The following DNAJC1 variants were observed in gnomAD, a reference collection of about 807,000 sequenced individuals.
The protein encoded by DNAJC1 is dnaJ homolog subfamily C member 1.
Under a neutral mutation model 76.6 loss-of-function variants are expected in DNAJC1, and 58 were observed. The ratio of observed to expected loss-of-function variants is 0.76; its 90% CI spans 0.61 to 0.94. The LOEUF (loss-of-function observed/expected upper bound fraction) is 0.94. Among genes scored for constraint, DNAJC1 ranks in the 40% least tolerant of loss-of-function variants. DNAJC1 has a pLI of 0.00. For synonymous variants in DNAJC1, 258 were observed against 267.9 expected (o/e 0.96, Z 0.36); for missense variants, 689 against 677.3 (o/e 1.02, Z -0.19).
chr10:21,944,694 A>C (rs1446572706), intron 1 of DNAJC1, among the ~76,000 whole-genome samples: 1 of 152,200 alleles, frequency 6.6e-6, no homozygotes, highest in East Asian at 1.9e-4. Context: ...CGAGTGTAAA[A>C]AAATGTTATT....
intron 1 of DNAJC1, among the ~76,000 whole-genome samples, chr10:21,978,230 A>C (rs1838096626): frequency 6.6e-6 from 1 of 152,184 alleles, no homozygotes; most frequent in Non-Finnish European, 1.5e-5. Context: ...AGTCACCCAG[A>C]AGCACATCTC....
At chr10:21,786,771 T>A (rs1303722829) in intron 9 of DNAJC1, among the ~76,000 whole-genome samples, 1 of 152,106 alleles carries the variant, frequency 6.6e-6, no homozygotes, top group African/African-American at 2.4e-5. Context: ...GTGCCTGGAC[T>A]AAAACGGGAA....
At chr10:21,841,124 A>C (rs1034587620) in intron 8 of DNAJC1, among the ~76,000 whole-genome samples, 6 of 152,250 alleles carry the variant, frequency 3.9e-5, no homozygotes, top group Non-Finnish European at 8.8e-5. Context: ...AAAGATTTAA[A>C]TGTTAGACCT....
chr10:21,897,774 C>T (rs1313569770), intron 7 of DNAJC1, among the ~76,000 whole-genome samples: 1 of 152,140 alleles, frequency 6.6e-6, no homozygotes, highest in African/African-American at 2.4e-5. Flanking sequence ...TCATACTTAA[C>T]GGTGTAATAC....
At chr10:21,760,140 G>A (rs1834224510) in intron 10 of DNAJC1, among the ~76,000 whole-genome samples, 1 of 152,168 alleles carries the variant, frequency 6.6e-6, no homozygotes, top group Non-Finnish European at 1.5e-5. Flanking sequence ...TTTATTAGCT[G>A]GGCCTGGTGG....
At chr10:21,847,995 C>T (rs772010204) in intron 8 of DNAJC1, among the ~76,000 whole-genome samples, 8 of 152,226 alleles carry the variant, frequency 5.3e-5, no homozygotes, top group South Asian at 2.1e-4. Flanking sequence ...ATTGCTAAAT[C>T]GGATGGTAGA....
intron 9 of DNAJC1, among the ~76,000 whole-genome samples, chr10:21,773,664 T>C (rs766799227): frequency 2.0e-5 from 3 of 152,220 alleles, no homozygotes; most frequent in Admixed American, 6.5e-5. Context: ...CCAACCATTA[T>C]TGTTTAACTG....
At chr10:21,831,021 T>A (rs184215346) in intron 8 of DNAJC1, among the ~76,000 whole-genome samples, 1 of 152,338 alleles carries the variant, frequency 6.6e-6, no homozygotes, top group Non-Finnish European at 1.5e-5. Context: ...CTTATTCTTG[T>A]AATGCCAATT....
intron 9 of DNAJC1, among the ~76,000 whole-genome samples, chr10:21,770,892 C>T (rs1348963190): frequency 6.6e-6 from 1 of 152,006 alleles, no homozygotes. Context: ...GTTGCTTGTG[C>T]CTTTGGTGTC....
intron 8 of DNAJC1, among the ~76,000 whole-genome samples, chr10:21,878,123 C>T (rs1172384716): frequency 2.0e-5 from 3 of 152,162 alleles, no homozygotes. Flanking sequence ...TCCTCTGGTT[C>T]TCGAGAACAC....
chr10:21,946,716 G>C (rs1014665060), intron 1 of DNAJC1, among the ~76,000 whole-genome samples: 5 of 152,086 alleles, frequency 3.3e-5, no homozygotes, highest in South Asian at 2.1e-4. Flanking sequence ...TATGTACAAC[G>C]ATGTTCATAG....
chr10:21,841,870 G>A (rs1007716843), intron 8 of DNAJC1, among the ~76,000 whole-genome samples: 1 of 152,044 alleles, frequency 6.6e-6, no homozygotes, highest in African/African-American at 2.4e-5. Context: ...ATGATAGACT[G>A]GATGAAGAAA....
intron 7 of DNAJC1, among the ~76,000 whole-genome samples, chr10:21,883,488 A>C (rs986589015): frequency 1.3e-5 from 2 of 152,226 alleles, no homozygotes; most frequent in African/African-American, 4.8e-5. Flanking sequence ...AAGAGAATAG[A>C]GAATCTGTAA....
chr10:21,883,778 C>T (rs578001606), intron 7 of DNAJC1, among the ~76,000 whole-genome samples: 165 of 152,234 alleles, frequency 1.1e-3, no homozygotes, highest in Non-Finnish European at 2.0e-3. Context: ...AGTATCCTAC[C>T]GCATATTGCT....
intron 8 of DNAJC1, among the ~76,000 whole-genome samples, chr10:21,861,245 A>G (rs536719775): frequency 6.6e-6 from 1 of 152,330 alleles, no homozygotes; most frequent in South Asian, 2.1e-4. Flanking sequence ...TCCAGTAAAA[A>G]TAAAATGAAA....
chr10:21,767,492 G>A (rs1834315491), intron 9 of DNAJC1, among the ~76,000 whole-genome samples: 1 of 152,042 alleles, frequency 6.6e-6, no homozygotes, highest in Non-Finnish European at 1.5e-5. Flanking sequence ...CTTGCTATGT[G>A]GCCCAGAATG....
intron 8 of DNAJC1, among the ~76,000 whole-genome samples, chr10:21,856,800 T>G (rs1835842146): frequency 6.6e-6 from 1 of 152,012 alleles, no homozygotes; most frequent in African/African-American, 2.4e-5. Flanking sequence ...GCAATGGCGC[T>G]ATCTCGGCTC....
intron 8 of DNAJC1, among the ~76,000 whole-genome samples, chr10:21,856,898 G>C (rs2131694620): frequency 6.6e-6 from 1 of 152,070 alleles, no homozygotes; most frequent in Non-Finnish European, 1.5e-5. Context: ...ACCACACCTG[G>C]CTAATTTTTG....
chr10:21,938,915 G>A (rs1368084376), intron 1 of DNAJC1, among the ~76,000 whole-genome samples: 7 of 152,116 alleles, frequency 4.6e-5, no homozygotes, highest in East Asian at 3.9e-4. Flanking sequence ...TGTTTGAGAC[G>A]GAGTCTCGCT....
Sources: gnomAD v4.1 joint callset for allele counts (sites outside exome capture counted in the v4.1 genomes callset) on GRCh38, gnomAD v4.1.1 for gene constraint, MANE v1.5 for transcripts, NCBI Gene and HGNC (gene_info 2026-07-23, HGNC 2026-07-21) for gene names.